PCDHA13: variants seen among roughly 807,000 people sequenced by gnomAD.
The protein encoded by PCDHA13 is protocadherin alpha-13.
Under a neutral mutation model 64.8 loss-of-function variants are expected in PCDHA13, and 54 were observed. The observed-to-expected ratio is 0.83, with a 90% confidence interval of 0.67 to 1.04. The LOEUF (loss-of-function observed/expected upper bound fraction) is 1.04. Ranked by LOEUF, PCDHA13 falls within the 50% of genes least tolerant of loss-of-function variation. PCDHA13 has a pLI of 0.00. For synonymous variants in PCDHA13, 587 were observed against 564.4 expected, an observed-to-expected ratio of 1.04 and a Z score of -0.57; for missense variants, 1,248 against 1,254.3, an observed-to-expected ratio of 0.99 and a Z score of 0.08.
At chr5:140,927,475 C>A in intron 1 of PCDHA13, 1 of 1,614,110 alleles carries the variant, frequency 6.2e-7, no homozygotes, top group Non-Finnish European at 8.5e-7. Flanking sequence ...GGATCGCGAA[C>A]AGCGCGCCAC....
At chr5:140,896,450 C>T (rs1009231622) in intron 1 of PCDHA13, among the ~76,000 whole-genome samples, 1 of 152,092 alleles carries the variant, frequency 6.6e-6, no homozygotes, top group East Asian at 1.9e-4. Flanking sequence ...GCAACCTCCA[C>T]CTCCTGGGTT....
intron 1 of PCDHA13, among the ~76,000 whole-genome samples, chr5:140,952,940 G>A (rs2094821781): frequency 6.6e-6 from 1 of 152,066 alleles, no homozygotes. Context: ...AGGAGCAAGA[G>A]AGAGAGAAGG....
chr5:140,884,101 G>T lies in PCDHA13; in HGVS notation c.1833G>T (p.Leu611Phe), dbSNP rs782222820. 6 of 1,613,486 alleles carry T rather than the reference G, an allele frequency of 3.7e-6. No individual in the cohort carries two copies. The highest frequency in any genetic ancestry group is 3.3e-4 in the Middle Eastern group (2 of 6,042). Residue 611 changes from leucine (L) to phenylalanine (F), a missense_variant, in exon 1 of 4, where the codon TTG becomes TTT. Coordinates refer to ENST00000289272, the MANE Select transcript of PCDHA13 (RefSeq NM_018904.3). ...SGYNAWLSYE[L>F]QLAAVGARIP... ...ACAATGCGTGGCTTTCGTATGAATT[G>T]CAGCTGGCGGCGGTCGGCGCGCGCA...
At chr5:140,952,529 G>A (rs1404753711) in intron 1 of PCDHA13, among the ~76,000 whole-genome samples, 1 of 152,084 alleles carries the variant, frequency 6.6e-6, no homozygotes, top group East Asian at 1.9e-4. Context: ...GACCTCCTCA[G>A]ACTGGACTTC....
chr5:140,939,280 C>T (rs985518425), intron 1 of PCDHA13, among the ~76,000 whole-genome samples: 1 of 152,064 alleles, frequency 6.6e-6, no homozygotes, highest in Non-Finnish European at 1.5e-5. Flanking sequence ...GCTGTGCCCT[C>T]GTGATCTAAT....
At chr5:140,964,425 A>C (rs1440321322) in intron 1 of PCDHA13, among the ~76,000 whole-genome samples, 1 of 152,178 alleles carries the variant, frequency 6.6e-6, no homozygotes, top group East Asian at 1.9e-4. Context: ...TCCATTAAAA[A>C]ATTACCAAGC....
intron 1 of PCDHA13, among the ~76,000 whole-genome samples, chr5:140,888,291 A>G (rs539984108): frequency 9.2e-5 from 14 of 152,122 alleles, no homozygotes; most frequent in Admixed American, 5.2e-4. Flanking sequence ...TCTACCCCCT[A>G]CCCAGGAGAT....
intron 1 of PCDHA13, among the ~76,000 whole-genome samples, chr5:140,965,734 AT>A (rs2095929489): frequency 6.6e-6 from 1 of 152,220 alleles, no homozygotes; most frequent in Non-Finnish European, 1.5e-5. Flanking sequence ...ATTTTACCAG[AT>A]TTTCCCCATT....
At chr5:140,980,555 G>A (rs1050580342) in intron 2 of PCDHA13, among the ~76,000 whole-genome samples, 1 of 152,068 alleles carries the variant, frequency 6.6e-6, no homozygotes, top group Non-Finnish European at 1.5e-5. Flanking sequence ...GCTTGAACCC[G>A]GGAGGCGGAA....
chr5:140,943,465 G>C (rs1332571516), intron 1 of PCDHA13, among the ~76,000 whole-genome samples: 3 of 152,022 alleles, frequency 2.0e-5, no homozygotes, highest in African/African-American at 7.2e-5. Context: ...CTAAATGTGG[G>C]AGATACAGTA....
chr5:140,901,970 G>A (rs1178784932), intron 1 of PCDHA13, among the ~76,000 whole-genome samples: 1 of 151,954 alleles, frequency 6.6e-6, no homozygotes, highest in Non-Finnish European at 1.5e-5. Context: ...TCGTAAATGG[G>A]ATTACTTTTT....
intron 1 of PCDHA13, among the ~76,000 whole-genome samples, chr5:140,916,511 C>G (rs2077595595): frequency 6.6e-6 from 1 of 152,132 alleles, no homozygotes; most frequent in African/African-American, 2.4e-5. Flanking sequence ...ATTAATCTTG[C>G]CAAGACTGGG....
chr5:140,890,238 C>T (rs2062554718), intron 1 of PCDHA13, among the ~76,000 whole-genome samples: 1 of 152,034 alleles, frequency 6.6e-6, no homozygotes, highest in African/African-American at 2.4e-5. Flanking sequence ...TAAGCATTTA[C>T]CAGTACACTA....
chr5:140,953,851 GC>G (rs1458424600), intron 1 of PCDHA13, among the ~76,000 whole-genome samples: 6 of 152,108 alleles, frequency 3.9e-5, no homozygotes, highest in African/African-American at 1.2e-4. Context: ...GTAAACATGT[GC>G]CATGGTGGTT....
chr5:140,987,075 G>C (rs564788093), intron 3 of PCDHA13, among the ~76,000 whole-genome samples: 1 of 152,006 alleles, frequency 6.6e-6, no homozygotes, highest in Admixed American at 6.5e-5. Context: ...TGAGCTGGGC[G>C]TGGTGGCAGG....
intron 1 of PCDHA13, among the ~76,000 whole-genome samples, chr5:140,889,730 A>C (rs1554184026): frequency 6.6e-6 from 1 of 152,198 alleles, no homozygotes; most frequent in East Asian, 1.9e-4. Flanking sequence ...TGTCTCACTG[A>C]GTAGCAGAGT....
At chr5:140,981,537 G>A (rs375537131) in intron 2 of PCDHA13, among the ~76,000 whole-genome samples, 2 of 152,172 alleles carry the variant, frequency 1.3e-5, no homozygotes, top group East Asian at 1.9e-4. Flanking sequence ...TCGTGCCACT[G>A]TACTCCAGCC....
intron 3 of PCDHA13, among the ~76,000 whole-genome samples, chr5:140,997,912 A>G (rs2097790316): frequency 6.6e-6 from 1 of 152,224 alleles, no homozygotes; most frequent in Admixed American, 6.5e-5. Flanking sequence ...GTAGAATTAC[A>G]GAATCATAGG....
In PCDHA13 at chr5:140,929,079, T is replaced by G. The variant is rs76301676; in HGVS notation, c.2394+44417T>G. 5,184 of 1,614,178 alleles carry G rather than the reference T, an allele frequency of 3.2e-3. 26 individuals are homozygous for G. Among genetic ancestry groups the G allele is most frequent in the African/African-American group, 0.019 (1,450 of 75,034 alleles). On this transcript the variant is annotated intron_variant, in intron 1 of 3. Transcript: ENST00000289272. ...CTACAGAGGATCTGAGGTATGGAAGTAAGATGGTTTCAAATCCTTGCATGA... is the reference window on the plus strand; with the variant it reads ...CTACAGAGGATCTGAGGTATGGAAGGAAGATGGTTTCAAATCCTTGCATGA...
Sources: gnomAD v4.1 joint callset for allele counts (sites outside exome capture counted in the v4.1 genomes callset) on GRCh38, gnomAD v4.1.1 for gene constraint, MANE v1.5 for transcripts, NCBI Gene and HGNC (gene_info 2026-07-23, HGNC 2026-07-21) for gene names.